ZNF211: variants seen among roughly 807,000 people sequenced by gnomAD.
ZNF211 encodes zinc finger protein 211.
Under a neutral mutation model 12.1 loss-of-function variants are expected in ZNF211, and 18 were observed. That is an observed-to-expected ratio of 1.48 (90% CI 1.03 to 2.20). ZNF211 has a LOEUF of 2.20. ZNF211 is among the 30% of genes most tolerant of loss of function. ZNF211 has a pLI of 0.00. For missense variants in ZNF211, 677 were observed against 703.1 expected (o/e 0.96, Z 0.42); for synonymous variants, 249 against 246.0 (o/e 1.01, Z -0.11).
At chr19:57,636,354 C>T (rs187792860) in intron 3 of ZNF211, among the ~76,000 whole-genome samples, 53 of 152,256 alleles carry the variant, frequency 3.5e-4, no homozygotes, top group Admixed American at 3.9e-4. Context: ...TTTAAGACTT[C>T]TATAGTTTTA....
At chr19:57,633,768 T>C (rs1981764894) in intron 1 of ZNF211, 4 of 1,536,754 alleles carry the variant, frequency 2.6e-6, no homozygotes, top group South Asian at 1.2e-5. Context: ...TGAGTTAAAT[T>C]TGAAAAATCC....
In ZNF211 at chr19:57,641,269, A is replaced by G; in HGVS notation, c.822A>G (p.Lys274=). The change falls in exon 4 of 4, where the codon AAA becomes AAG. Residue 274 remains lysine (K), a synonymous_variant. Transcript: ENST00000240731. ...GAGAAGGACTTTTTGAGTGCAGTAA[A>G]TGTGGGAAAGCATGTACGCGAAGAT... The part of the protein sequence containing the change: ...LTREGLFECS[K]CGKACTRRCN... 6.2e-7 allele frequency: 1 copy of G among 1,614,234 alleles called. No individual in the cohort carries two copies. Among genetic ancestry groups the G allele is most frequent in the South Asian group, 1.1e-5 (1 of 91,088 alleles).
intron 2 of ZNF211, 135 bp from the exon 3 acceptor site, chr19:57,634,494 C>CA: frequency 9.4e-7 from 1 of 1,060,790 alleles, no homozygotes; most frequent in Non-Finnish European, 1.3e-6. Context: ...TGTGAAGAGA[C>CA]AGCAGGGATC....
At position 57,633,209 on chromosome 19, in the gene ZNF211, G is replaced by A. The variant is rs991868378; in HGVS notation, c.-138G>A. On this transcript the variant is annotated 5_prime_UTR_variant, in exon 1 of 4. Coordinates refer to ENST00000240731, the MANE Select transcript of ZNF211 (RefSeq NM_006385.5). ...CGTCTTCGCAGCGGTCATTTTGGCT[G>A]CCCTCCCGGAGGTCCGTTCTGTCTG... The A allele has an allele frequency of 3.6e-6, 3 of 836,660 alleles. No homozygotes were observed. Among genetic ancestry groups the A allele is most frequent in the Admixed American group, 3.6e-5 (1 of 27,984 alleles). 51.8% of individuals were successfully genotyped at this position (836,660 alleles called of 1,614,324 possible). A position where few individuals can be genotyped will look rare whatever the true frequency, so the allele number is the denominator to read the frequency against.
chr19:57,640,578 C>T, intron 3 of ZNF211, 126 bp from the exon 4 acceptor site: 1 of 1,243,882 alleles, frequency 8.0e-7, no homozygotes, highest in Non-Finnish European at 1.1e-6. Flanking sequence ...CCTGACCCCC[C>T]AACTCACTTT....
At chr19:57,638,545 T>A (rs1982431567) in intron 3 of ZNF211, among the ~76,000 whole-genome samples, 1 of 152,190 alleles carries the variant, frequency 6.6e-6, no homozygotes, top group Non-Finnish European at 1.5e-5. Context: ...TTTTTTAGTT[T>A]CCTTCTATTA....
At chr19:57,635,532 A>G (rs1029307104) in intron 3 of ZNF211, among the ~76,000 whole-genome samples, 2 of 152,212 alleles carry the variant, frequency 1.3e-5, no homozygotes, top group Non-Finnish European at 2.9e-5. Context: ...ACTTAGCATA[A>G]TATCTTCAAG....
At chr19:57,640,130 G>T in intron 3 of ZNF211, 1 of 1,481,078 alleles carries the variant, frequency 6.8e-7, no homozygotes, top group Non-Finnish European at 9.0e-7. Context: ...CATTGCCAGA[G>T]ACACTTCACT....
intron 1 of ZNF211, 186 bp downstream of exon 1, chr19:57,633,622 C>A (rs2122157813): frequency 6.5e-7 from 1 of 1,531,932 alleles, no homozygotes; most frequent in Admixed American, 2.0e-5. Flanking sequence ...AGGGCTTGGA[C>A]GGGCAACCGA....
At position 57,642,145 on chromosome 19, in the gene ZNF211, T is replaced by C; in HGVS notation, c.1698T>C (p.Ile566=). 6.2e-7 allele frequency: 1 copy of C among 1,613,048 alleles called. No individual in the cohort carries two copies. Among genetic ancestry groups the C allele is most frequent in the Non-Finnish European group, 8.5e-7 (1 of 1,179,284 alleles). The change falls in exon 4 of 4, where the codon ATT becomes ATC. Residue 566 remains isoleucine (I), a synonymous_variant. Transcript: ENST00000240731. ...CCTTTGGCTGCAAATCTGTCCTCAT[T>C]CAACACCAGAGAGTTCACATTGGAG... is the stretch of plus-strand genomic sequence containing the variant. ...GKSFGCKSVL[I]QHQRVHIGEK... is the part of the protein sequence containing the mutation.
At position 57,642,480 on chromosome 19, in the gene ZNF211, G is replaced by C. The variant is rs2122232151; in HGVS notation, c.*299G>C. ...TGTGTATCATTTACCTCCTGAACCT[G>C]CTCAAGGAAGCAGACCTCTGCTTCT... On this transcript the variant is annotated 3_prime_UTR_variant, in exon 4 of 4. Coordinates refer to ENST00000240731, the MANE Select transcript of ZNF211 (RefSeq NM_006385.5). 1.1e-5 allele frequency: 3 copies of C among 285,456 alleles called. 1 individual carries two copies. In the Admixed American group the frequency reaches 1.4e-4, roughly 13 times the overall value. The allele number at this position is 285,456 out of a possible 1,614,324, so 17.7% of individuals were successfully genotyped here.
Position 57,640,823 on chromosome 19 carries a change from G to T in ZNF211, c.376G>T (p.Glu126Ter). The T allele has an allele frequency of 6.2e-6, 10 of 1,614,234 alleles. No homozygotes were observed. Among genetic ancestry groups the T allele is most frequent in the Non-Finnish European group, 8.5e-6 (10 of 1,180,048 alleles). The change falls in exon 4 of 4, where the codon GAA becomes TAA. Residue 126 changes from glutamate (E) to a stop codon, truncating the protein, a stop_gained. Transcript: ENST00000240731. LOFTEE classifies it low-confidence loss of function (END_TRUNC). Reference sequence around the variant, plus strand: ...ATCTTCCCAGAATGCCGACTCCTGTGAAATATGTTGCCTGGTCTTGAGAGA... The same window carrying T: ...ATCTTCCCAGAATGCCGACTCCTGTTAAATATGTTGCCTGGTCTTGAGAGA... The part of the protein sequence containing the change: ...GSSSQNADSC[E>*]ICCLVLRDIL...
At chr19:57,638,347 C>T (rs1982409227) in intron 3 of ZNF211, among the ~76,000 whole-genome samples, 1 of 151,106 alleles carries the variant, frequency 6.6e-6, no homozygotes. Context: ...TAGTTTGTTC[C>T]TCTTTTTATA....
chr19:57,638,438 G>A (rs1982417568), intron 3 of ZNF211, among the ~76,000 whole-genome samples: 1 of 151,820 alleles, frequency 6.6e-6, no homozygotes, highest in African/African-American at 2.4e-5. Context: ...TTCCCCTTTA[G>A]TACTGCTTTT....
chr19:57,639,983 A>G, intron 3 of ZNF211: 4 of 1,535,960 alleles, frequency 2.6e-6, no homozygotes, highest in Middle Eastern at 1.7e-4. Context: ...TCTTCACAGG[A>G]TGTTCATGAC....
Position 57,633,370 on chromosome 19 carries a change from C to T in ZNF211, c.24C>T (p.Arg8=). 10 of 1,599,848 alleles carry T rather than the reference C, an allele frequency of 6.3e-6. No homozygotes were observed. Among genetic ancestry groups the T allele is most frequent in the East Asian group, 2.2e-5 (1 of 44,472 alleles). ...CGATGCTCGGGTTCCCCCCGGGTCG[C>T]CCGCAGCTCCCGGTCCAGCTCCGCC... MLGFPPG[R]PQLPVQLRPQ... The change falls in exon 1 of 4, where the codon CGC becomes CGT. Residue 8 remains arginine, a synonymous_variant. Transcript: ENST00000240731.
intron 3 of ZNF211, among the ~76,000 whole-genome samples, chr19:57,636,644 G>A (rs1207666616): frequency 2.0e-5 from 3 of 152,186 alleles, no homozygotes; most frequent in Non-Finnish European, 2.9e-5. Flanking sequence ...ATTACGAACT[G>A]TGAGTCTTCC....
rs1981682840 is a variant in ZNF211 at position 57,633,395 on chromosome 19, C to G, written c.49C>G (p.Pro17Ala). The G allele has an allele frequency of 1.2e-6, 2 of 1,605,074 alleles. No individual in the cohort carries two copies. The highest frequency in any genetic ancestry group is 1.7e-6 in the Non-Finnish European group (2 of 1,178,800). Residue 17 changes from proline (P) to alanine (A), a missense_variant, in exon 1 of 4, where the codon CCA becomes GCA. Coordinates refer to ENST00000240731, the MANE Select transcript of ZNF211 (RefSeq NM_006385.5). The part of the protein sequence containing the change: ...GRPQLPVQLR[P>A]QTRMATALRD... ...CCCGCAGCTCCCGGTCCAGCTCCGCCCACAGACTCGGATGGCGACCGCACT... is the reference window on the plus strand; with the variant it reads ...CCCGCAGCTCCCGGTCCAGCTCCGCGCACAGACTCGGATGGCGACCGCACT...
In ZNF211 at chr19:57,633,318, C is replaced by T. The variant is rs1414802576; in HGVS notation, c.-29C>T. The T allele has an allele frequency of 1.9e-6, 3 of 1,541,068 alleles. No homozygotes were observed. Among genetic ancestry groups the T allele is most frequent in the East Asian group, 2.4e-5 (1 of 42,480 alleles). ...TCAGGTCTGAGGGTCGGGGGCAGAG[C>T]CGCCCGCGAGGCCGGCCTGGGGATA... On this transcript the variant is annotated 5_prime_UTR_variant, in exon 1 of 4. Coordinates refer to ENST00000240731, the MANE Select transcript of ZNF211 (RefSeq NM_006385.5).
Sources: allele counts gnomAD v4.1 joint callset (sites outside exome capture counted in the v4.1 genomes callset), GRCh38; gene constraint gnomAD v4.1.1; transcripts MANE v1.5; gene names NCBI Gene and HGNC (gene_info 2026-07-23, HGNC 2026-07-21).